CAMTA1: variants seen among roughly 807,000 people sequenced by gnomAD.
The protein encoded by CAMTA1 is calmodulin binding transcription activator 1, also known as calmodulin-binding transcription activator 1.
A neutral mutation model predicts 170.9 loss-of-function variants in CAMTA1; 27 were observed. The ratio of observed to expected loss-of-function variants is 0.16; its 90% confidence interval spans 0.12 to 0.22. CAMTA1 has a LOEUF of 0.22. Among genes scored for constraint, CAMTA1 ranks in the 10% least tolerant of loss-of-function variants. The pLI is 1.00. For synonymous variants in CAMTA1, 833 were observed against 891.5 expected (o/e 0.93, Z 1.17); for missense variants, 1,619 against 2,217.2 (o/e 0.73, Z 5.42).
intron 3 of CAMTA1, chr1:7,008,528 G>C (rs1173483153): frequency 1.3e-5 from 2 of 152,166 alleles, no homozygotes; most frequent in Non-Finnish European, 2.9e-5. Context: ...CTCAGGGGCC[G>C]GCAAGGTGGC....
chr1:7,480,084 CGT>C (rs1338451949), intron 6 of CAMTA1, among the ~76,000 whole-genome samples: 2 of 145,650 alleles, frequency 1.4e-5, no homozygotes, highest in Admixed American at 1.4e-4. Flanking sequence ...TGCATGTGTC[CGT>C]GTGTGTGCCT....
In CAMTA1 at chr1:7,498,743, TGA is replaced by T. The variant is rs1255821917; in HGVS notation, c.510+30844_510+30845del. 8.5e-5 allele frequency among the ~76,000 whole-genome samples: 8 copies of T among 94,358 alleles called. No individual in the cohort carries two copies. In the East Asian group the frequency reaches 9.9e-4, roughly 12 times the overall value. 61.9% of individuals were successfully genotyped at this position (94,358 alleles called of 152,430 possible). On this transcript the variant is annotated intron_variant, in intron 6 of 22. Coordinates refer to ENST00000303635, the MANE Select transcript of CAMTA1 (RefSeq NM_015215.4). ...TACATGAGTGCATGTGCAGAGAGGA[TGA>T]GTGTGCAGAGGATTGTGTGAGCCTG...
chr1:7,348,368 A>G (rs2084381461), intron 5 of CAMTA1, among the ~76,000 whole-genome samples: 2 of 152,140 alleles, frequency 1.3e-5, no homozygotes, highest in African/African-American at 4.8e-5. Context: ...CGTGCCAGTC[A>G]TGCCTGTCTT....
At chr1:6,825,264 G>T in intron 3 of CAMTA1, 54 bp downstream of exon 3, 1 of 907,034 alleles carries the variant, frequency 1.1e-6, no homozygotes. Context: ...AAATTTTTTA[G>T]GTTGCTTCAC....
At chr1:7,512,112 TG>T (rs2094209085) in intron 6 of CAMTA1, among the ~76,000 whole-genome samples, 2 of 152,224 alleles carry the variant, frequency 1.3e-5, no homozygotes, top group South Asian at 4.1e-4. Flanking sequence ...CTCATGAAAG[TG>T]CTTTCATTCA....
intron 4 of CAMTA1, among the ~76,000 whole-genome samples, chr1:7,222,669 C>A (rs1661001258): frequency 6.6e-6 from 1 of 152,214 alleles, no homozygotes; most frequent in Non-Finnish European, 1.5e-5. Flanking sequence ...CTCTGCACTG[C>A]CCAGAGCTGC....
intron 5 of CAMTA1, among the ~76,000 whole-genome samples, chr1:7,384,467 G>A (rs2087709047): frequency 6.6e-6 from 1 of 152,228 alleles, no homozygotes; most frequent in African/African-American, 2.4e-5. Flanking sequence ...ATTGATATGA[G>A]TCGATGTGTG....
chr1:7,348,451 C>T (rs751548418), intron 5 of CAMTA1, among the ~76,000 whole-genome samples: 6 of 152,180 alleles, frequency 3.9e-5, no homozygotes, highest in Non-Finnish European at 8.8e-5. Context: ...GGGGCCCACT[C>T]GTGGTCCAGA....
chr1:7,600,509 G>C (rs1252296477), intron 6 of CAMTA1, among the ~76,000 whole-genome samples: 1 of 138,118 alleles, frequency 7.2e-6, no homozygotes, highest in African/African-American at 2.8e-5. Flanking sequence ...TTTTTTAATT[G>C]ATCATTCTTG....
intron 6 of CAMTA1, among the ~76,000 whole-genome samples, chr1:7,527,841 C>G (rs1278203485): frequency 6.6e-6 from 1 of 152,234 alleles, no homozygotes; most frequent in Non-Finnish European, 1.5e-5. Context: ...CTGTACCTAT[C>G]TGTTCTCTCC....
chr1:7,128,126 T>TC (rs61471487), intron 4 of CAMTA1, among the ~76,000 whole-genome samples: 5,117 of 152,242 alleles, frequency 0.034, 226 homozygotes, highest in African/African-American at 0.11. Context: ...TTTGTGAGTG[T>TC]ATCACACCCT....
At chr1:7,085,195 G>A (rs1382345418) in intron 3 of CAMTA1, among the ~76,000 whole-genome samples, 2 of 152,286 alleles carry the variant, frequency 1.3e-5, no homozygotes, top group African/African-American at 2.4e-5. Context: ...CCATTGGACA[G>A]TGCAACTCTG....
Position 7,010,555 on chromosome 1 carries a change from G to A in CAMTA1, c.235-80749G>A, listed in dbSNP as rs1699638423. 6.6e-6 allele frequency among the ~76,000 whole-genome samples: 1 copy of A among 152,142 alleles called. No individual in the cohort carries two copies. The highest frequency in any genetic ancestry group is 2.4e-5 in the African/African-American group (1 of 41,404). ...TGGAAAGACCTGAGTTCAAATCTCGGACCCACTACTGACCAGCTGGGTGAC... is the reference window on the plus strand; with the variant it reads ...TGGAAAGACCTGAGTTCAAATCTCGAACCCACTACTGACCAGCTGGGTGAC... On this transcript the variant is annotated intron_variant, in intron 3 of 22. Transcript: ENST00000303635. This position sits in a 1 kb window ranked among gnomAD's most constrained non-coding sequence, Gnocchi z 4.4.
intron 5 of CAMTA1, among the ~76,000 whole-genome samples, chr1:7,341,543 C>T (rs2083833178): frequency 6.6e-6 from 1 of 152,226 alleles, no homozygotes; most frequent in Admixed American, 6.5e-5. Context: ...CTGAATTGAG[C>T]TGTCACCCAG....
At chr1:7,103,632 CACACACGCACACACAACACA>C (rs1643102797) in intron 4 of CAMTA1, among the ~76,000 whole-genome samples, 1 of 87,788 alleles carries the variant, frequency 1.1e-5, no homozygotes, top group Admixed American at 1.1e-4. Flanking sequence ...CACACAACTA[CACACACGCACACACAACACA>C]ACACATGTAC....
intron 17 of CAMTA1, 42 bp from the exon 18 acceptor site, chr1:7,745,803 T>C (rs1022414287): frequency 6.2e-7 from 1 of 1,611,104 alleles, no homozygotes; most frequent in Non-Finnish European, 8.5e-7. Context: ...GTGGTGCAAA[T>C]CAATCATTAA....
At chr1:7,492,399 G>C (rs935596676) in intron 6 of CAMTA1, among the ~76,000 whole-genome samples, 1 of 152,136 alleles carries the variant, frequency 6.6e-6, no homozygotes, top group African/African-American at 2.4e-5. Flanking sequence ...GGGATCCTCA[G>C]CTGGGGTGTG....
At chr1:7,288,883 T>C (rs2001142) in intron 5 of CAMTA1, among the ~76,000 whole-genome samples, 121,503 of 152,152 alleles carry the variant, frequency 0.8, 49,096 homozygotes, top group African/African-American at 0.92. Flanking sequence ...TCTGTTCTTG[T>C]ATTACTACAG....
chr1:7,492,561 A>C (rs2093721529), intron 6 of CAMTA1, among the ~76,000 whole-genome samples: 1 of 151,858 alleles, frequency 6.6e-6, no homozygotes, highest in Admixed American at 6.6e-5. Flanking sequence ...ACACACACGC[A>C]CGCACATACA....
Sources: gnomAD v4.1 joint callset for allele counts (sites outside exome capture counted in the v4.1 genomes callset) on GRCh38, gnomAD v4.1.1 for gene constraint, Gnocchi (gnomAD v3.1) non-coding constraint, MANE v1.5 for transcripts, NCBI Gene and HGNC (gene_info 2026-07-23, HGNC 2026-07-21) for gene names.